DHX15: variants seen among roughly 807,000 people sequenced by gnomAD.
DHX15 encodes DEAH-box helicase 15, also known as ATP-dependent RNA helicase DHX15.
In DHX15, 11 loss-of-function variants were observed where a neutral mutation model predicts 94.4. That is an observed-to-expected ratio of 0.12 (90% CI 0.07 to 0.19). DHX15 has a LOEUF of 0.19. Among genes scored for constraint, DHX15 ranks in the 10% least tolerant of loss-of-function variants. DHX15 has a pLI of 1.00. For synonymous variants in DHX15, 338 were observed against 329.9 expected, an observed-to-expected ratio of 1.02 and a Z score of -0.27; for missense variants, 304 against 988.5, an observed-to-expected ratio of 0.31 and a Z score of 9.29.
At position 24,537,359 on chromosome 4, in the gene DHX15, G is replaced by C; in HGVS notation, c.1787-186C>G. 1 of 599,724 alleles carries C rather than the reference G, an allele frequency of 1.7e-6. No homozygotes were observed. Among genetic ancestry groups the C allele is most frequent in the Non-Finnish European group, 2.7e-6 (1 of 370,708 alleles). 37.2% of individuals were successfully genotyped at this position (599,724 alleles called of 1,614,324 possible). A position where few individuals can be genotyped will look rare whatever the true frequency, so the allele number is the denominator to read the frequency against. Reference sequence around the variant, plus strand: ...CATCAACACCTAACCACATCTGTAAGACAAGAGGGTTTCAAAGCTACAGAG... The same window carrying C: ...CATCAACACCTAACCACATCTGTAACACAAGAGGGTTTCAAAGCTACAGAG... On this transcript the variant is annotated intron_variant, in intron 10 of 13. Transcript: ENST00000336812. This position sits in a 1 kb window ranked among gnomAD's most constrained non-coding sequence, Gnocchi z 4.7.
chr4:24,580,154 T>C (rs1318137193), intron 1 of DHX15, among the ~76,000 whole-genome samples: 2 of 152,228 alleles, frequency 1.3e-5, no homozygotes, highest in Non-Finnish European at 2.9e-5. Flanking sequence ...ACGCATGTAA[T>C]CCCAGTGCTT....
intron 1 of DHX15, among the ~76,000 whole-genome samples, chr4:24,581,417 T>A (rs755759953): frequency 8.5e-5 from 13 of 152,214 alleles, no homozygotes; most frequent in Non-Finnish European, 1.2e-4. Context: ...ATAACACGCG[T>A]TGATCCCACT....
At chr4:24,535,282 T>G (rs1721170106) in intron 11 of DHX15, among the ~76,000 whole-genome samples, 1 of 152,246 alleles carries the variant, frequency 6.6e-6, no homozygotes, top group Admixed American at 6.5e-5. Flanking sequence ...AAGTAGTATT[T>G]TGATGTATTT....
intron 12 of DHX15, among the ~76,000 whole-genome samples, chr4:24,532,174 AT>A (rs1371154101): frequency 6.6e-6 from 1 of 152,210 alleles, no homozygotes; most frequent in African/African-American, 2.4e-5. Flanking sequence ...TGTTCACAGT[AT>A]TTACTTGACA....
rs1201880499 is a variant in DHX15, at chr4:24,537,648, A to C, written c.1787-475T>G. 3 of 153,408 alleles carry C rather than the reference A, an allele frequency of 2.0e-5. No individual in the cohort carries two copies. Among genetic ancestry groups the C allele is most frequent in the African/African-American group, 7.2e-5 (3 of 41,484 alleles). 9.5% of individuals were successfully genotyped at this position (153,408 alleles called of 1,614,324 possible). A position where few individuals can be genotyped will look rare whatever the true frequency, so the allele number is the denominator to read the frequency against. ...ACAACTTTGAAACCAGTCTACTGCCATGTTTCTATCAGAATTTTTTCCCTA... is the reference window on the plus strand; with the variant it reads ...ACAACTTTGAAACCAGTCTACTGCCCTGTTTCTATCAGAATTTTTTCCCTA... On this transcript the variant is annotated intron_variant, in intron 10 of 13. Coordinates refer to ENST00000336812, the MANE Select transcript of DHX15 (RefSeq NM_001358.3). The surrounding 1 kb of genome is among the most constrained non-coding windows in gnomAD (Gnocchi z 4.7).
intron 3 of DHX15, among the ~76,000 whole-genome samples, chr4:24,567,166 C>T (rs1247710339): frequency 1.3e-5 from 2 of 152,180 alleles, no homozygotes; most frequent in African/African-American, 2.4e-5. Flanking sequence ...AAATTACCTA[C>T]CAAATTAACA....
intron 5 of DHX15, among the ~76,000 whole-genome samples, chr4:24,553,975 T>G (rs1436119631): frequency 6.6e-6 from 1 of 152,084 alleles, no homozygotes; most frequent in Non-Finnish European, 1.5e-5. Flanking sequence ...TCCCAGCACT[T>G]TGGGAGGCCG....
Position 24,584,372 on chromosome 4 carries a change from C to T in DHX15, c.22G>A (p.Asp8Asn). MSKRHRL[D>N]LGEDYPSGKK... ...CCAGAGGGGTAATCCTCCCCTAGGTCCAACCGGTGCCGCTTGGACATCCTC... is the reference window on the plus strand; with the variant it reads ...CCAGAGGGGTAATCCTCCCCTAGGTTCAACCGGTGCCGCTTGGACATCCTC... Residue 8 changes from aspartate (D) to asparagine (N), a missense_variant, in exon 1 of 14, where the codon GAC becomes AAC. Physicochemically the swap from Asp to Asn is conservative, Grantham distance 23. Transcript: ENST00000336812. 6.2e-7 allele frequency: 1 copy of T among 1,613,098 alleles called. No homozygotes were observed. The highest frequency in any genetic ancestry group is 8.5e-7 in the Non-Finnish European group (1 of 1,179,594).
chr4:24,578,658 T>C (rs1195682209), intron 1 of DHX15, among the ~76,000 whole-genome samples: 1 of 152,134 alleles, frequency 6.6e-6, no homozygotes, highest in Admixed American at 6.5e-5. Context: ...ATCAAACTTC[T>C]GGGTTCAAGT....
At chr4:24,528,748 TAAAAC>T (rs1327256959) in intron 13 of DHX15, among the ~76,000 whole-genome samples, 1 of 152,130 alleles carries the variant, frequency 6.6e-6, no homozygotes, top group East Asian at 1.9e-4. Flanking sequence ...TTGCTTAAAA[TAAAAC>T]AATCCGTTCT....
At chr4:24,551,033 T>C (rs1217364464) in intron 5 of DHX15, among the ~76,000 whole-genome samples, 4 of 152,106 alleles carry the variant, frequency 2.6e-5, no homozygotes, top group African/African-American at 9.7e-5. Context: ...AAAACGTTGT[T>C]ATGTGGCACA....
At chr4:24,560,584 T>C (rs1408195008) in intron 3 of DHX15, among the ~76,000 whole-genome samples, 2 of 152,184 alleles carry the variant, frequency 1.3e-5, no homozygotes, top group Non-Finnish European at 2.9e-5. Flanking sequence ...GTGCTAATTC[T>C]GTTATAAGCT....
chr4:24,539,327 A>G (rs3828557), intron 10 of DHX15, among the ~76,000 whole-genome samples: 9,828 of 152,212 alleles, frequency 0.065, 393 homozygotes, highest in African/African-American at 0.11. Context: ...AGAATATTTT[A>G]ATCGTCAGTA....
At chr4:24,579,116 G>A (rs936585826) in intron 1 of DHX15, among the ~76,000 whole-genome samples, 2 of 152,148 alleles carry the variant, frequency 1.3e-5, no homozygotes, top group South Asian at 2.1e-4. Flanking sequence ...AAGCAATGGC[G>A]ACAGCTGTGG....
Position 24,537,287 on chromosome 4 carries a change from G to C in DHX15, c.1787-114C>G. ...GTTCACAGAGCATAGGGCAGGGCAG[G>C]ATGGCCTCCAACTGCATCTTGGATT... On this transcript the variant is annotated intron_variant, in intron 10 of 13. Transcript: ENST00000336812. The surrounding 1 kb of genome is among the most constrained non-coding windows in gnomAD (Gnocchi z 4.7). 7.1e-7 allele frequency: 1 copy of C among 1,404,272 alleles called. No homozygotes were observed. The highest frequency in any genetic ancestry group is 9.6e-7 in the Non-Finnish European group (1 of 1,038,730). 87.0% of individuals were successfully genotyped at this position (1,404,272 alleles called of 1,614,324 possible). A position where few individuals can be genotyped will look rare whatever the true frequency, so the allele number is the denominator to read the frequency against.
At chr4:24,547,905 A>ATC (rs1560765729) in intron 6 of DHX15, among the ~76,000 whole-genome samples, 1 of 7,326 alleles carries the variant, frequency 1.4e-4, no homozygotes, top group African/African-American at 3.0e-4. Flanking sequence ...ATGTATGTGT[A>ATC]TATATATATA....
intron 2 of DHX15, among the ~76,000 whole-genome samples, chr4:24,574,771 T>C (rs1479306536): frequency 2.0e-5 from 3 of 152,210 alleles, no homozygotes; most frequent in Non-Finnish European, 4.4e-5. Flanking sequence ...AGCTAATACA[T>C]GTAAAGTATA....
chr4:24,534,506 G>C (rs988584572), intron 11 of DHX15, among the ~76,000 whole-genome samples: 6 of 152,102 alleles, frequency 3.9e-5, no homozygotes, highest in Admixed American at 3.3e-4. Flanking sequence ...AAATAATTGG[G>C]TAAATGGGAA....
At chr4:24,555,514 G>GT (rs1307311785) in intron 4 of DHX15, among the ~76,000 whole-genome samples, 2 of 151,830 alleles carry the variant, frequency 1.3e-5, no homozygotes, top group South Asian at 2.1e-4. Context: ...TCAGGCCTCA[G>GT]TTTTTTTTCT....
Sources: gnomAD v4.1 joint callset for allele counts (sites outside exome capture counted in the v4.1 genomes callset) on GRCh38, gnomAD v4.1.1 for gene constraint, Gnocchi (gnomAD v3.1) non-coding constraint, MANE v1.5 for transcripts, NCBI Gene and HGNC (gene_info 2026-07-23, HGNC 2026-07-21) for gene names.